The following GPR84 variants were observed in gnomAD, a reference collection of about 807,000 sequenced individuals.
GPR84 encodes the protein G-protein coupled receptor 84.
Under a neutral mutation model 14.9 loss-of-function variants are expected in GPR84, and 8 were observed. The observed-to-expected ratio is 0.54, with a 90% CI of 0.31 to 0.97. The LOEUF is 0.97. Ranked by LOEUF, GPR84 falls within the 50% of genes least tolerant of loss-of-function variation. The probability of loss-of-function intolerance (pLI) is 0.04; values close to 1 mark genes in which losing one functional copy is unlikely to be tolerated. For missense variants in GPR84, 424 were observed against 498.7 expected (o/e 0.85, Z 1.43); for synonymous variants, 164 against 198.1 (o/e 0.83, Z 1.45).
Position 54,363,645 on chromosome 12 carries a change from G to A in GPR84, c.207C>T (p.Tyr69=). 2 of 1,614,060 alleles carry A rather than the reference G, an allele frequency of 1.2e-6. No homozygotes were observed. Among genetic ancestry groups the A allele is most frequent in the Non-Finnish European group, 1.7e-6 (2 of 1,179,938 alleles). ...CAGAGAAGGGCTGAAGGAGCGTGCA[G>A]TAGAGGAGATCAGCCAGTGTGAGGT... The part of the protein sequence containing the change: ...IANLTLADLL[Y]CTLLQPFSVD... The change falls in exon 2 of 2, where the codon TAC becomes TAT. Residue 69 remains tyrosine (Y), a synonymous_variant. Transcript: ENST00000267015.
Position 54,363,442 on chromosome 12 carries a change from ATC to A in GPR84, c.408_409del (p.Ile137SerfsTer34), listed in dbSNP as rs748566394. On this transcript the variant is annotated frameshift_variant, in exon 2 of 2. Coordinates refer to ENST00000267015, the MANE Select transcript of GPR84 (RefSeq NM_020370.3). LOFTEE classifies it high-confidence loss of function. ...CCAGGTGCTCACCAGTGCCAGCACT[ATC>A]CCCTTGGCACTGAAAACTTGGGGAA... 1.2e-6 allele frequency: 2 copies of A among 1,614,130 alleles called. No individual in the cohort carries two copies. The highest frequency in any genetic ancestry group is 2.2e-5 in the South Asian group (2 of 91,070).
At chr12:54,352,284 G>A in the GPR84 span, among the ~76,000 whole-genome samples, 13 of 152,184 alleles carry the variant, frequency 8.5e-5, no homozygotes, top group Non-Finnish European at 1.9e-4. Context: ...AGGTCAGGAC[G>A]GTGGTGTAAA....
In GPR84 at chr12:54,363,549, A is replaced by C. The variant is rs1161166417; in HGVS notation, c.303T>G (p.Phe101Leu). 1 of 1,613,946 alleles carries C rather than the reference A, an allele frequency of 6.2e-7. No individual in the cohort carries two copies. Among genetic ancestry groups the C allele is most frequent in the African/African-American group, 1.3e-5 (1 of 74,920 alleles). ...TCAGGATGGAGACAGAATTGGAGGC[A>C]AAAAGGAGGAGCCCAAATACCCTGC... Reference protein sequence around the residue: ...TFCRVFGLLLFASNSVSILTL... With the variant: ...TFCRVFGLLLLASNSVSILTL... The change falls in exon 2 of 2, where the codon TTT becomes TTG. Residue 101 changes from phenylalanine to leucine, a missense_variant. Transcript: ENST00000267015.
chr12:54,363,854 T>C lies in GPR84; in HGVS notation c.-3A>G, dbSNP rs1308886798. 14 of 1,575,462 alleles carry C rather than the reference T, an allele frequency of 8.9e-6. No individual in the cohort carries two copies. The African/African-American group carries it at 1.8e-4, about 20-fold the overall frequency. On this transcript the variant is annotated 5_prime_UTR_variant, in exon 2 of 2. Coordinates refer to ENST00000267015, the MANE Select transcript of GPR84 (RefSeq NM_020370.3). ...TTGGCGTCAGAGCTGTTCCACATGA[T>C]AGAGGCTAAAGAGGCAGAGGGTGGA...
chr12:54,360,342 C>G (rs1450431306), downstream of GPR84, among the ~76,000 whole-genome samples: 1 of 138,624 alleles, frequency 7.2e-6, no homozygotes, highest in Non-Finnish European at 1.7e-5. Flanking sequence ...GGGAACTGCA[C>G]TGGGCACGTG....
At chr12:54,358,096 G>A (rs1433963521), downstream of GPR84, among the ~76,000 whole-genome samples, 1 of 152,120 alleles carries the variant, frequency 6.6e-6, no homozygotes, top group Non-Finnish European at 1.5e-5. Flanking sequence ...GCCCCCAGCT[G>A]CACCCCCCAG....
At position 54,362,897 on chromosome 12, in the gene GPR84, G is replaced by C. The variant is rs574443740; in HGVS notation, c.955C>G (p.Arg319Gly). Residue 319 changes from arginine (R) to glycine (G), a missense_variant, in exon 2 of 2, where the codon CGA (arginine) becomes GGA (glycine). Physicochemically the swap from Arg to Gly is moderately radical, Grantham distance 125. Transcript: ENST00000267015. The surrounding 1 kb of genome is among the most constrained non-coding windows in gnomAD (Gnocchi z 4.0). ...DSSSEFGKVTRMCFAVFLCFA... is the reference protein window; with the variant it reads ...DSSSEFGKVTGMCFAVFLCFA... Reference sequence around the variant, plus strand: ...CAGAGGAACACAGCAAAACACATTCGAGTCACCTTCCCAAATTCCGATGAA... The same window carrying C: ...CAGAGGAACACAGCAAAACACATTCCAGTCACCTTCCCAAATTCCGATGAA... 1 of 1,614,200 alleles carries C rather than the reference G, an allele frequency of 6.2e-7. No individual in the cohort carries two copies. The highest frequency in any genetic ancestry group is 1.1e-5 in the South Asian group (1 of 91,086).
At chr12:54,353,173 A>AT in the GPR84 span, among the ~76,000 whole-genome samples, 7 of 152,050 alleles carry the variant, frequency 4.6e-5, no homozygotes, top group African/African-American at 1.2e-4. Flanking sequence ...TTGGCCAGCA[A>AT]TTTTTTTTCA....
chr12:54,353,622 G>A, the GPR84 span: 1 of 152,370 alleles, frequency 6.6e-6, no homozygotes, highest in African/African-American at 2.4e-5. Flanking sequence ...TACCTTCTTG[G>A]TACAGCCTCC....
the GPR84 span, among the ~76,000 whole-genome samples, chr12:54,355,839 C>T: frequency 5.3e-5 from 8 of 152,120 alleles, no homozygotes; most frequent in Non-Finnish European, 8.8e-5. Context: ...GGCCGGATGC[C>T]GGGAGGCTGG....
rs763102790 is a variant in GPR84 at position 54,363,698 on chromosome 12, G to A, written c.154C>T (p.Arg52Cys). The A allele has an allele frequency of 2.0e-5, 32 of 1,613,942 alleles. 1 individual carries two copies. The South Asian group carries it at 2.3e-4, about 12-fold the overall frequency. ...LLALAIQPKLRTRFNLLIANL... is the reference protein window; with the variant it reads ...LLALAIQPKLCTRFNLLIANL... ...GCTATGAGCAGGTTGAATCGGGTAC[G>A]GAGCTTGGGCTGGATGGCCAAGGCC... is the stretch of plus-strand genomic sequence containing the variant. The change falls in exon 2 of 2, where the codon CGT becomes TGT. Residue 52 changes from arginine to cysteine, a missense_variant. Physicochemically the swap from Arg to Cys is radical, Grantham distance 180. Transcript: ENST00000267015.
the GPR84 span, chr12:54,351,986 A>C: frequency 6.7e-6 from 1 of 150,140 alleles, no homozygotes; most frequent in Non-Finnish European, 1.5e-5. Flanking sequence ...CCCCATCCCT[A>C]ATTTACGGGG....
rs1281356324 is a variant in GPR84, at chr12:54,363,676, A to G, written c.176T>C (p.Ile59Thr). ...PKLRTRFNLL[I>T]ANLTLADLLY... Reference sequence around the variant, plus strand: ...GAGATCAGCCAGTGTGAGGTTGGCTATGAGCAGGTTGAATCGGGTACGGAG... The same window carrying G: ...GAGATCAGCCAGTGTGAGGTTGGCTGTGAGCAGGTTGAATCGGGTACGGAG... The change falls in exon 2 of 2, where the codon ATA (isoleucine) becomes ACA (threonine). Residue 59 changes from isoleucine to threonine, a missense_variant. Ile to Thr is a moderately conservative substitution (Grantham distance 89). Coordinates refer to ENST00000267015, the MANE Select transcript of GPR84 (RefSeq NM_020370.3). 3 of 1,614,140 alleles carry G rather than the reference A, an allele frequency of 1.9e-6. No homozygotes were observed. The highest frequency in any genetic ancestry group is 2.5e-6 in the Non-Finnish European group (3 of 1,179,988).
In GPR84 at chr12:54,363,234, T is replaced by A; in HGVS notation, c.618A>T (p.Lys206Asn). Residue 206 changes from lysine (K) to asparagine (N), a missense_variant, in exon 2 of 2, where the codon AAA becomes AAT. Lys to Asn is a moderately conservative substitution (Grantham distance 94). Transcript: ENST00000267015. Reference protein sequence around the residue: ...IFYCLIHRQVKRAAQALDQYK... With the variant: ...IFYCLIHRQVNRAAQALDQYK... The stretch of plus-strand genomic sequence containing the variant: ...ATTGGTCCAGTGCCTGTGCTGCTCG[T>A]TTGACCTGGCGGTGGATGAGGCAAT... 1 of 1,614,206 alleles carries A rather than the reference T, an allele frequency of 6.2e-7. No individual in the cohort carries two copies. Among genetic ancestry groups the A allele is most frequent in the Non-Finnish European group, 8.5e-7 (1 of 1,180,036 alleles).
At chr12:54,351,127 A>C in the GPR84 span, 1 of 157,352 alleles carries the variant, frequency 6.4e-6, no homozygotes, top group African/African-American at 2.4e-5. Context: ...TGGAAGAAAC[A>C]GCGATTTAAA....
chr12:54,353,964 G>T, the GPR84 span: 1 of 152,218 alleles, frequency 6.6e-6, no homozygotes, highest in Non-Finnish European at 1.5e-5. Flanking sequence ...TGAGCCTCCA[G>T]ACCTTGTCTT....
chr12:54,353,709 T>G, the GPR84 span: 1 of 152,054 alleles, frequency 6.6e-6, no homozygotes, highest in Admixed American at 6.6e-5. Flanking sequence ...GGGGCAAAGG[T>G]GATTAGCCTT....
At chr12:54,356,526 C>T in the GPR84 span, among the ~76,000 whole-genome samples, 1 of 152,212 alleles carries the variant, frequency 6.6e-6, no homozygotes, top group South Asian at 2.1e-4. Context: ...AAGCCCACCA[C>T]CAGCCCCTCT....
At chr12:54,364,215 A>C (rs1472456019) in intron 1 of GPR84, 178 bp downstream of exon 1, 1 of 182,190 alleles carries the variant, frequency 5.5e-6, no homozygotes, top group Non-Finnish European at 1.2e-5. Flanking sequence ...ATCCCCAAAG[A>C]CCCCCAGGAG....
Sources: allele counts gnomAD v4.1 joint callset (sites outside exome capture counted in the v4.1 genomes callset), GRCh38; gene constraint gnomAD v4.1.1; non-coding constraint Gnocchi (gnomAD v3.1); transcripts MANE v1.5; gene names NCBI Gene and HGNC (gene_info 2026-07-23, HGNC 2026-07-21).